The following SAMTOR variants were observed in gnomAD, a reference collection of about 807,000 sequenced individuals.
SAMTOR encodes the protein UPF0532 protein C7orf60.
the SAMTOR span, among the ~76,000 whole-genome samples, chr7:112,909,958 T>G: frequency 6.6e-6 from 1 of 151,774 alleles, no homozygotes; most frequent in Non-Finnish European, 1.5e-5. Flanking sequence ...TATCCACATG[T>G]TACTTTTCAA....
chr7:112,880,199 A>G, the SAMTOR span, among the ~76,000 whole-genome samples: 10 of 152,158 alleles, frequency 6.6e-5, no homozygotes, highest in East Asian at 1.9e-3. Flanking sequence ...AAATTTGCCA[A>G]TTGAGCTGTT....
At chr7:112,927,062 T>A in the SAMTOR span, among the ~76,000 whole-genome samples, 1 of 152,042 alleles carries the variant, frequency 6.6e-6, no homozygotes, top group Non-Finnish European at 1.5e-5. Context: ...GAAAAAGTAT[T>A]TTCATAATAG....
the SAMTOR span, among the ~76,000 whole-genome samples, chr7:112,836,916 G>A: frequency 2.0e-5 from 3 of 151,930 alleles, no homozygotes; most frequent in Non-Finnish European, 4.4e-5. Context: ...GAATTGCCTT[G>A]GTGATTTGGG....
chr7:112,831,216 C>A, the SAMTOR span, among the ~76,000 whole-genome samples: 4 of 151,956 alleles, frequency 2.6e-5, no homozygotes, highest in Non-Finnish European at 5.9e-5. Context: ...AGAGTTCTAT[C>A]AAGAGTAAAA....
At chr7:112,935,575 A>G in the SAMTOR span, among the ~76,000 whole-genome samples, 2 of 31,542 alleles carry the variant, frequency 6.3e-5, no homozygotes, top group Non-Finnish European at 1.4e-4. Context: ...ACAGTTTAGT[A>G]CATACTTTTA....
At chr7:112,844,508 C>T in the SAMTOR span, among the ~76,000 whole-genome samples, 1 of 151,858 alleles carries the variant, frequency 6.6e-6, no homozygotes, top group Non-Finnish European at 1.5e-5. Flanking sequence ...TCACAATTGG[C>T]ATAAAAAGAA....
the SAMTOR span, among the ~76,000 whole-genome samples, chr7:112,855,612 T>C: frequency 3.9e-5 from 6 of 152,180 alleles, no homozygotes; most frequent in Non-Finnish European, 8.8e-5. Flanking sequence ...ATTTCTTAGA[T>C]CACTGCCCCC....
the SAMTOR span, among the ~76,000 whole-genome samples, chr7:112,828,097 C>T: frequency 6.6e-6 from 1 of 152,186 alleles, no homozygotes; most frequent in African/African-American, 2.4e-5. Flanking sequence ...ATTTCTGATT[C>T]TCTCATGTCA....
At chr7:112,928,773 C>T in the SAMTOR span, among the ~76,000 whole-genome samples, 1 of 151,968 alleles carries the variant, frequency 6.6e-6, no homozygotes, top group Admixed American at 6.5e-5. Flanking sequence ...ATTTCAATGT[C>T]ATTTTTCTAG....
At chr7:112,917,532 G>A in the SAMTOR span, among the ~76,000 whole-genome samples, 1 of 152,186 alleles carries the variant, frequency 6.6e-6, no homozygotes, top group East Asian at 1.9e-4. Flanking sequence ...ACTCTAAAAA[G>A]CAGAGCGCCT....
the SAMTOR span, among the ~76,000 whole-genome samples, chr7:112,856,920 T>C: frequency 6.6e-6 from 1 of 152,174 alleles, no homozygotes; most frequent in Non-Finnish European, 1.5e-5. Flanking sequence ...TAAACTTATC[T>C]GATAAGTTAG....
At chr7:112,885,417 C>T in the SAMTOR span, among the ~76,000 whole-genome samples, 2 of 152,316 alleles carry the variant, frequency 1.3e-5, no homozygotes, top group African/African-American at 2.4e-5. Context: ...TTATGCTCTG[C>T]TTCCTCTTGA....
chr7:112,867,441 T>A, the SAMTOR span, among the ~76,000 whole-genome samples: 1 of 152,232 alleles, frequency 6.6e-6, no homozygotes, highest in Non-Finnish European at 1.5e-5. Context: ...ATTAAAAGTC[T>A]TCTTATAACT....
At chr7:112,874,828 T>C in the SAMTOR span, among the ~76,000 whole-genome samples, 2 of 152,284 alleles carry the variant, frequency 1.3e-5, no homozygotes, top group South Asian at 2.1e-4. Context: ...ACTGAAAATA[T>C]ATCATTCTAT....
At chr7:112,889,576 C>A in the SAMTOR span, among the ~76,000 whole-genome samples, 1 of 152,128 alleles carries the variant, frequency 6.6e-6, no homozygotes, top group South Asian at 2.1e-4. Flanking sequence ...AAAATCTAAA[C>A]CAAGCCATCC....
the SAMTOR span, among the ~76,000 whole-genome samples, chr7:112,850,182 CAA>C: frequency 1.3e-5 from 2 of 151,650 alleles, no homozygotes; most frequent in Non-Finnish European, 2.9e-5. Flanking sequence ...GCCTGGGTAA[CAA>C]GAGTGAAACT....
At chr7:112,897,245 A>G in the SAMTOR span, among the ~76,000 whole-genome samples, 8 of 152,202 alleles carry the variant, frequency 5.3e-5, no homozygotes, top group African/African-American at 1.7e-4. Flanking sequence ...TGGTGGTTAC[A>G]TAAGTGTAAA....
chr7:112,939,799 C>G, the SAMTOR span: 10 of 1,454,518 alleles, frequency 6.9e-6, no homozygotes, highest in South Asian at 9.6e-5. Flanking sequence ...CGCAGACGCT[C>G]CCCAGATGGA....
At chr7:112,831,420 G>T in the SAMTOR span, among the ~76,000 whole-genome samples, 1 of 152,172 alleles carries the variant, frequency 6.6e-6, no homozygotes, top group African/African-American at 2.4e-5. Flanking sequence ...ACTTTGGGAG[G>T]TTGAGGCAGG....
Sources: allele counts gnomAD v4.1 joint callset (sites outside exome capture counted in the v4.1 genomes callset), GRCh38; gene constraint gnomAD v4.1.1; transcripts MANE v1.5; gene names NCBI Gene and HGNC (gene_info 2026-07-23, HGNC 2026-07-21).